The following DAB1 variants were observed in gnomAD, a reference collection of about 807,000 sequenced individuals.
DAB1 encodes DAB adaptor protein 1.
A neutral mutation model predicts 64.6 loss-of-function variants in DAB1; 15 were observed. That is an observed-to-expected ratio of 0.23 (90% CI 0.16 to 0.36). The LOEUF is 0.36. DAB1 is among the 10% of genes least tolerant of loss of function. The probability of loss-of-function intolerance (pLI) is 1.00; values close to 1 mark genes in which losing one functional copy is unlikely to be tolerated. For missense variants in DAB1, 596 were observed against 706.7 expected, an observed-to-expected ratio of 0.84 and a Z score of 1.78; for synonymous variants, 235 against 251.9, an observed-to-expected ratio of 0.93 and a Z score of 0.64.
chr1:57,875,547 C>T (rs1644030414), intron 1 of DAB1, among the ~76,000 whole-genome samples: 1 of 152,154 alleles, frequency 6.6e-6, no homozygotes, highest in Non-Finnish European at 1.5e-5. Flanking sequence ...AAACATACTG[C>T]TCTGGGACAG....
At chr1:57,480,146 CG>C (rs941929159) in intron 7 of DAB1, among the ~76,000 whole-genome samples, 18 of 136,168 alleles carry the variant, frequency 1.3e-4, no homozygotes, top group Non-Finnish European at 2.2e-4. Context: ...AGCGAAACTC[CG>C]TCTCAAAAAA....
chr1:57,552,695 T>C (rs1444833547), intron 7 of DAB1, among the ~76,000 whole-genome samples: 1 of 152,088 alleles, frequency 6.6e-6, no homozygotes, highest in East Asian at 1.9e-4. Flanking sequence ...AGCAGTGTAG[T>C]GAGGGTTGAG....
chr1:57,674,103 G>A (rs943013989), intron 6 of DAB1, among the ~76,000 whole-genome samples: 2 of 152,154 alleles, frequency 1.3e-5, no homozygotes, highest in African/African-American at 2.4e-5. Context: ...CAGCTTAAAA[G>A]ATTTTTTAAA....
At chr1:58,402,487 CAG>C (rs1644579868) in intron 3 of DAB1, among the ~76,000 whole-genome samples, 1 of 152,042 alleles carries the variant, frequency 6.6e-6, no homozygotes, top group Non-Finnish European at 1.5e-5. Flanking sequence ...CAGAAACACA[CAG>C]AGAGAAAAAG....
In DAB1 at chr1:57,671,598, G is replaced by A. The variant is rs577548537; in HGVS notation, n.552-21933C>T. On this transcript the variant is annotated intron_variant and non_coding_transcript_variant, in intron 6 of 20. Coordinates refer to the DAB1 transcript ENST00000485760. The stretch of plus-strand genomic sequence containing the variant: ...CCAGGCTGCCTTGTTGATCTTAACT[G>A]TAGACCATCAGACTGCCCATTATTT... Among the ~76,000 whole-genome samples, 9 of 152,162 alleles carry A rather than the reference G, an allele frequency of 5.9e-5. No individual in the cohort carries two copies. The East Asian group carries it at 1.4e-3, about 23-fold the overall frequency.
intron 6 of DAB1, among the ~76,000 whole-genome samples, chr1:57,789,505 G>C (rs531530068): frequency 1.6e-4 from 25 of 152,296 alleles, no homozygotes; most frequent in African/African-American, 5.8e-4. Flanking sequence ...GTTCTGGTGA[G>C]GACCCTCTTC....
At chr1:58,256,855 T>C (rs1660943566) in intron 4 of DAB1, among the ~76,000 whole-genome samples, 1 of 152,224 alleles carries the variant, frequency 6.6e-6, no homozygotes, top group South Asian at 2.1e-4. Flanking sequence ...GTCCACAAAT[T>C]GATCTCCCCC....
chr1:57,230,359 A>G (rs1343182027), intron 2 of DAB1, among the ~76,000 whole-genome samples: 1 of 151,980 alleles, frequency 6.6e-6, no homozygotes, highest in African/African-American at 2.4e-5. Context: ...AAGATGTTAA[A>G]TGAATTAAAT....
At chr1:58,095,424 T>C (rs1405139939) in intron 5 of DAB1, among the ~76,000 whole-genome samples, 1 of 152,178 alleles carries the variant, frequency 6.6e-6, no homozygotes, top group Non-Finnish European at 1.5e-5. Flanking sequence ...TGACTACCCA[T>C]AGGTCACAGA....
At chr1:57,671,626 G>A (rs1043852648) in intron 6 of DAB1, among the ~76,000 whole-genome samples, 2 of 151,922 alleles carry the variant, frequency 1.3e-5, no homozygotes, top group African/African-American at 4.8e-5. Context: ...CATTATTTTC[G>A]AATCACATAC....
intron 2 of DAB1, among the ~76,000 whole-genome samples, chr1:57,153,569 A>G (rs557431705): frequency 2.8e-4 from 43 of 151,870 alleles, no homozygotes; most frequent in African/African-American, 1.0e-3. Context: ...AGAATCATCC[A>G]TTTTGGTTTT....
At chr1:57,043,708 G>A (rs1463286505) in intron 9 of DAB1, among the ~76,000 whole-genome samples, 1 of 152,158 alleles carries the variant, frequency 6.6e-6, no homozygotes, top group East Asian at 1.9e-4. Context: ...TTAGCTGGGT[G>A]TGGCAGTGCA....
intron 5 of DAB1, among the ~76,000 whole-genome samples, chr1:57,920,810 T>TC (rs1346246327): frequency 6.6e-6 from 1 of 152,212 alleles, no homozygotes; most frequent in Admixed American, 6.5e-5. Flanking sequence ...AAAGGCTTTC[T>TC]CCCTGACAGG....
intron 5 of DAB1, among the ~76,000 whole-genome samples, chr1:57,916,989 G>A (rs975946900): frequency 2.0e-5 from 3 of 151,982 alleles, no homozygotes; most frequent in Admixed American, 2.0e-4. Flanking sequence ...TTATGCAGAA[G>A]GTAAATGGGA....
intron 6 of DAB1, among the ~76,000 whole-genome samples, chr1:57,730,042 C>G (rs997802647): frequency 2.0e-5 from 3 of 152,214 alleles, no homozygotes; most frequent in Admixed American, 6.5e-5. Context: ...ATCATTGTCT[C>G]TGGTCTTATC....
chr1:57,757,574 C>G (rs867880651), intron 6 of DAB1, among the ~76,000 whole-genome samples: 1 of 152,240 alleles, frequency 6.6e-6, no homozygotes, highest in South Asian at 2.1e-4. Context: ...TCATCCTCTG[C>G]TGTGCTATGC....
At chr1:57,646,206 T>C (rs1646189751) in intron 7 of DAB1, among the ~76,000 whole-genome samples, 3 of 152,282 alleles carry the variant, frequency 2.0e-5, no homozygotes, top group Non-Finnish European at 2.9e-5. Flanking sequence ...ATTATGCCAA[T>C]TGAAGACTTT....
At chr1:57,605,228 T>A (rs1035327894) in intron 7 of DAB1, among the ~76,000 whole-genome samples, 1 of 152,208 alleles carries the variant, frequency 6.6e-6, no homozygotes, top group Admixed American at 6.5e-5. Flanking sequence ...CCCAGAGTTA[T>A]TTATTTCTGT....
At chr1:58,367,129 A>G (rs923565025) in intron 3 of DAB1, among the ~76,000 whole-genome samples, 1 of 152,204 alleles carries the variant, frequency 6.6e-6, no homozygotes, top group African/African-American at 2.4e-5. Flanking sequence ...CAGACAGTTA[A>G]TATGAAGGGA....
Sources: allele counts gnomAD v4.1 joint callset (sites outside exome capture counted in the v4.1 genomes callset), GRCh38; gene constraint gnomAD v4.1.1; transcripts MANE v1.5; gene names NCBI Gene and HGNC (gene_info 2026-07-23, HGNC 2026-07-21).